SH2B3: variants seen among roughly 807,000 people sequenced by gnomAD.
SH2B3 encodes the protein SH2B adaptor protein 3, also known as SH2B adapter protein 3.
Under a neutral mutation model 51.9 loss-of-function variants are expected in SH2B3, and 43 were observed. The ratio of observed to expected loss-of-function variants is 0.83; its 90% CI spans 0.65 to 1.07. The LOEUF (loss-of-function observed/expected upper bound fraction) is 1.07. Ranked by LOEUF, SH2B3 falls within the 50% of genes least tolerant of loss-of-function variation. SH2B3 has a pLI of 0.00. For synonymous variants in SH2B3, 396 were observed against 376.0 expected (o/e 1.05, Z -0.62); for missense variants, 952 against 834.3 (o/e 1.14, Z -1.74).
In SH2B3 at chr12:111,410,642, C is replaced by A. The variant is rs1870625750; in HGVS notation, c.-28+4365C>A. Among the ~76,000 whole-genome samples the A allele has an allele frequency of 6.6e-6, 1 of 152,162 alleles. No homozygotes were observed. The highest frequency in any genetic ancestry group is 6.5e-5 in the Admixed American group (1 of 15,288). On this transcript the variant is annotated intron_variant, in intron 1 of 7. Coordinates refer to ENST00000341259, the MANE Select transcript of SH2B3 (RefSeq NM_005475.3). This position sits in a 1 kb window ranked among gnomAD's most constrained non-coding sequence, Gnocchi z 4.9. ...CAGACTGTGCTGGCCTGATAAATGTCCCCGGGGCACAAGGTGACCCCAGCA... is the reference window on the plus strand; with the variant it reads ...CAGACTGTGCTGGCCTGATAAATGTACCCGGGGCACAAGGTGACCCCAGCA...
intron 2 of SH2B3, among the ~76,000 whole-genome samples, chr12:111,436,365 A>G (rs573610725): frequency 9.9e-5 from 15 of 152,222 alleles, no homozygotes; most frequent in African/African-American, 3.4e-4. Flanking sequence ...AGCGCTGGGG[A>G]AGGTGCCCAC....
At position 111,429,363 on chromosome 12, in the gene SH2B3, G is replaced by A. The variant is rs756790502; in HGVS notation, c.732+10486G>A. Among the ~76,000 whole-genome samples the A allele has an allele frequency of 1.5e-4, 23 of 152,106 alleles. No homozygotes were observed. The highest frequency in any genetic ancestry group is 5.3e-4 in the African/African-American group (22 of 41,414). On this transcript the variant is annotated intron_variant, in intron 2 of 7. Coordinates refer to ENST00000341259, the MANE Select transcript of SH2B3 (RefSeq NM_005475.3). This position sits in a 1 kb window ranked among gnomAD's most constrained non-coding sequence, Gnocchi z 4.4. ...TTTATTTATTTAGAGACAGAGTCTC[G>A]CTCTGTCGCCCAGGTTAGAGCAGAG...
chr12:111,445,218 C>T (rs1047647989), intron 2 of SH2B3, among the ~76,000 whole-genome samples: 20 of 152,184 alleles, frequency 1.3e-4, no homozygotes, highest in African/African-American at 4.6e-4. Flanking sequence ...TGGCCTATAT[C>T]CTCCCAGTGA....
upstream of SH2B3, among the ~76,000 whole-genome samples, chr12:111,405,615 T>C (rs1870182133): frequency 6.6e-6 from 1 of 151,702 alleles, no homozygotes; most frequent in Non-Finnish European, 1.5e-5. The surrounding 1 kb of genome is among the most constrained non-coding windows in gnomAD (Gnocchi z 5.4). Flanking sequence ...GCCCCGCCCC[T>C]CCGATCCTCA....
chr12:111,440,219 A>C (rs1210912217), intron 2 of SH2B3, among the ~76,000 whole-genome samples: 1 of 152,174 alleles, frequency 6.6e-6, no homozygotes, highest in East Asian at 1.9e-4. Context: ...AGGTCTCTTG[A>C]GCCTTCTCAT....
At position 111,447,564 on chromosome 12, in the gene SH2B3, G is replaced by GGGGCA. The variant is rs1176202726; in HGVS notation, c.1236+23_1236+24insCAGGG. 1 of 1,496,548 alleles carries GGGGCA rather than the reference G, an allele frequency of 6.7e-7. No individual in the cohort carries two copies. Among genetic ancestry groups the GGGGCA allele is most frequent in the Non-Finnish European group, 9.3e-7 (1 of 1,076,614 alleles). The allele number at this position is 1,496,548 out of a possible 1,614,324, so 92.7% of individuals were successfully genotyped here. On this transcript the variant is annotated intron_variant, in intron 6 of 7. Transcript: ENST00000341259. ...GCCAAGGTATGGGGTGGGGTGGGGT[G>GGGGCA]GGGTGGGGCAGGCAGGACCGTGCCA...
Position 111,447,543 on chromosome 12 carries a change from AGGTATGGGGTGGGGT to A in SH2B3, c.1236+2_1236+16del. Reference sequence around the variant, plus strand: ...ACTTTCAACTTTCAGGGGATAGCCAAGGTATGGGGTGGGGTGGGGTGGGGTGGGGCAGGCAGGACC... The same window carrying A: ...ACTTTCAACTTTCAGGGGATAGCCAAGGGGTGGGGTGGGGCAGGCAGGACC... On this transcript the variant is annotated splice_donor_variant and splice_donor_5th_base_variant and coding_sequence_variant and intron_variant, in exon 6 of 8. Transcript: ENST00000341259. LOFTEE classifies it high-confidence loss of function. The A allele has an allele frequency of 1.9e-6, 1 of 539,492 alleles. No individual in the cohort carries two copies. The highest frequency in any genetic ancestry group is 2.9e-6 in the Non-Finnish European group (1 of 339,192). 33.4% of individuals were successfully genotyped at this position (539,492 alleles called of 1,614,324 possible).
In SH2B3 at chr12:111,414,722, C is replaced by T. The variant is rs956477022; in HGVS notation, c.-27-3397C>T. On this transcript the variant is annotated intron_variant, in intron 1 of 7. Coordinates refer to ENST00000341259, the MANE Select transcript of SH2B3 (RefSeq NM_005475.3). ...CCACCATGGCCTCATGTGACAGGGG[C>T]ACCCTTTGTTGCCACTGCCCTGCAG... 5.3e-5 allele frequency among the ~76,000 whole-genome samples: 8 copies of T among 152,282 alleles called. No individual in the cohort carries two copies. The South Asian group carries it at 1.7e-3, about 32-fold the overall frequency.
intron 2 of SH2B3, chr12:111,444,933 T>G: frequency 3.1e-6 from 3 of 952,962 alleles, no homozygotes; most frequent in Non-Finnish European, 3.7e-6. Context: ...TGGGCGGCTC[T>G]CAAGGGCTGC....
At chr12:111,415,058 G>A (rs1317807174) in intron 1 of SH2B3, among the ~76,000 whole-genome samples, 6 of 152,172 alleles carry the variant, frequency 3.9e-5, no homozygotes, top group Non-Finnish European at 8.8e-5. Context: ...CACACAGTAG[G>A]CCCTCAGTAA....
Position 111,409,442 on chromosome 12 carries a change from C to T in SH2B3, c.-28+3165C>T, listed in dbSNP as rs1209240246. Among the ~76,000 whole-genome samples the T allele has an allele frequency of 6.6e-6, 1 of 152,214 alleles. No individual in the cohort carries two copies. The highest frequency in any genetic ancestry group is 1.5e-5 in the Non-Finnish European group (1 of 68,024). On this transcript the variant is annotated intron_variant, in intron 1 of 7. Coordinates refer to ENST00000341259, the MANE Select transcript of SH2B3 (RefSeq NM_005475.3). This position sits in a 1 kb window ranked among gnomAD's most constrained non-coding sequence, Gnocchi z 4.0. The stretch of plus-strand genomic sequence containing the variant: ...CCAAGGGCCCGCGGGCGTTCAGCAT[C>T]TTTGACGAGGCAGGGCAGGAAGCCG...
At chr12:111,440,978 A>G (rs1873353421) in intron 2 of SH2B3, among the ~76,000 whole-genome samples, 1 of 152,178 alleles carries the variant, frequency 6.6e-6, no homozygotes, top group African/African-American at 2.4e-5. Context: ...AGGGAAGGGT[A>G]GTGGCATTAT....
chr12:111,442,899 GTC>G (rs1447092619), intron 2 of SH2B3, among the ~76,000 whole-genome samples: 1 of 152,236 alleles, frequency 6.6e-6, no homozygotes, highest in African/African-American at 2.4e-5. Flanking sequence ...CGACTTGCCT[GTC>G]TCTGCTGGAT....
chr12:111,439,100 G>A (rs1434777233), intron 2 of SH2B3, among the ~76,000 whole-genome samples: 1 of 152,110 alleles, frequency 6.6e-6, no homozygotes, highest in African/African-American at 2.4e-5. Context: ...AGCCTCCCAA[G>A]TAGCTGGGAC....
intron 2 of SH2B3, among the ~76,000 whole-genome samples, chr12:111,427,388 GAAAAAAAAAAAAAAAAAAAA>G (rs557658468): frequency 1.2e-5 from 1 of 83,028 alleles, no homozygotes; most frequent in South Asian, 3.9e-4. Context: ...TCCATCTCAG[GAAAAAAAAAAAAAAAAAAAA>G]AAAAAAAAAA....
At chr12:111,436,324 C>T (rs1872872691) in intron 2 of SH2B3, among the ~76,000 whole-genome samples, 1 of 152,148 alleles carries the variant, frequency 6.6e-6, no homozygotes, top group African/African-American at 2.4e-5. Context: ...CTGGATGGGG[C>T]CTGGACTTCC....
At chr12:111,427,050 G>A (rs1872060452) in intron 2 of SH2B3, among the ~76,000 whole-genome samples, 2 of 152,088 alleles carry the variant, frequency 1.3e-5, no homozygotes, top group African/African-American at 4.8e-5. Context: ...AACCTAAAGT[G>A]GAGAGATTTC....
chr12:111,434,295 T>A (rs1025842948), intron 2 of SH2B3, among the ~76,000 whole-genome samples: 1 of 152,248 alleles, frequency 6.6e-6, no homozygotes, highest in African/African-American at 2.4e-5. Context: ...AAAAAAACCT[T>A]GGAGCAGTCA....
At chr12:111,425,701 G>A (rs577228892) in intron 2 of SH2B3, among the ~76,000 whole-genome samples, 6 of 152,232 alleles carry the variant, frequency 3.9e-5, no homozygotes, top group South Asian at 4.1e-4. Context: ...GGCCACCTGC[G>A]GGTGGGAGTG....
Sources: allele counts gnomAD v4.1 joint callset (sites outside exome capture counted in the v4.1 genomes callset), GRCh38; gene constraint gnomAD v4.1.1; non-coding constraint Gnocchi (gnomAD v3.1); transcripts MANE v1.5; gene names NCBI Gene and HGNC (gene_info 2026-07-23, HGNC 2026-07-21).